The following ATP6V1C1 variants were observed in gnomAD, a reference collection of about 807,000 sequenced individuals.
The protein encoded by ATP6V1C1 is ATPase H+ transporting V1 subunit C1, also known as V-type proton ATPase subunit C 1.
Under a neutral mutation model 53.9 loss-of-function variants are expected in ATP6V1C1, and 45 were observed. The ratio of observed to expected loss-of-function variants is 0.83; its 90% confidence interval spans 0.66 to 1.07. The LOEUF (loss-of-function observed/expected upper bound fraction) is 1.07. Among genes scored for constraint, ATP6V1C1 ranks in the 50% least tolerant of loss-of-function variants. The pLI, the probability that ATP6V1C1 is intolerant of heterozygous loss-of-function variation, is 0.00. For synonymous variants in ATP6V1C1, 153 were observed against 155.2 expected (o/e 0.99, Z 0.11); for missense variants, 315 against 440.3 (o/e 0.72, Z 2.55).
chr8:103,024,610 C>T (rs1816662986), intron 1 of ATP6V1C1, among the ~76,000 whole-genome samples: 1 of 152,184 alleles, frequency 6.6e-6, no homozygotes, highest in African/African-American at 2.4e-5. Flanking sequence ...ACATCTTTTT[C>T]ACTCTTTGGG....
rs777934585 is a variant in ATP6V1C1, at chr8:103,068,710, A to G, written c.1112A>G (p.Tyr371Cys). 5 of 1,610,678 alleles carry G rather than the reference A, an allele frequency of 3.1e-6. No homozygotes were observed. The highest frequency in any genetic ancestry group is 4.2e-6 in the Non-Finnish European group (5 of 1,178,490). The change falls in exon 13 of 13, where the codon TAC (tyrosine) becomes TGC (cysteine). Residue 371 changes from tyrosine to cysteine, a missense_variant. Coordinates refer to ENST00000518738, the MANE Select transcript of ATP6V1C1 (RefSeq NM_001695.5). ...CAACAAGAATACTACCCCTATGTGT[A>G]CTACAAGATTGATTGCAACTTGCTG... ...LSQQEYYPYV[Y>C]YKIDCNLLEF...
intron 3 of ATP6V1C1, among the ~76,000 whole-genome samples, chr8:103,048,609 T>C (rs1472192735): frequency 6.6e-6 from 1 of 152,194 alleles, no homozygotes; most frequent in South Asian, 2.1e-4. Context: ...TTCCCATGAC[T>C]TACTTTCTAG....
rs184088193 is a variant in ATP6V1C1 at position 103,055,741 on chromosome 8, A to G, written c.573-127A>G. The G allele has an allele frequency of 9.6e-4, 740 of 770,498 alleles. 4 individuals are homozygous for G. In the African/African-American group the frequency reaches 0.012, roughly 12 times the overall value. 47.7% of individuals were successfully genotyped at this position (770,498 alleles called of 1,614,324 possible). ...GTAGGAAACCCGAATTTTTTTTGTT[A>G]AATAGAGTTGAAGTATACTTACTAT... On this transcript the variant is annotated intron_variant, in intron 7 of 12. Transcript: ENST00000518738.
chr8:103,066,597 T>C, intron 12 of ATP6V1C1, 150 bp downstream of exon 12: 1 of 886,332 alleles, frequency 1.1e-6, no homozygotes, highest in South Asian at 2.3e-5. Flanking sequence ...GTAAACATAG[T>C]AATTTACATT....
At chr8:103,046,637 C>G (rs190271386) in intron 3 of ATP6V1C1, among the ~76,000 whole-genome samples, 2 of 152,170 alleles carry the variant, frequency 1.3e-5, no homozygotes, top group Admixed American at 6.5e-5. Context: ...TCGGCAAGCA[C>G]ATCTTCTTCA....
Position 103,066,334 on chromosome 8 carries a change from G to C in ATP6V1C1, c.940G>C (p.Val314Leu). Residue 314 changes from valine to leucine, a missense_variant, in exon 12 of 13, where the codon GTG becomes CTG. Physicochemically the swap from Val to Leu is conservative, Grantham distance 32 (BLOSUM62 1). Coordinates refer to ENST00000518738, the MANE Select transcript of ATP6V1C1 (RefSeq NM_001695.5). ...VESVLRYGLP[V>L]NFQAMLLQPN... ...CTTTTTTGTAAGGTATGGCTTGCCAGTGAACTTCCAAGCAATGCTACTTCA... is the reference window on the plus strand; with the variant it reads ...CTTTTTTGTAAGGTATGGCTTGCCACTGAACTTCCAAGCAATGCTACTTCA... 6.2e-7 allele frequency: 1 copy of C among 1,610,230 alleles called. No individual in the cohort carries two copies. The highest frequency in any genetic ancestry group is 8.5e-7 in the Non-Finnish European group (1 of 1,178,942).
chr8:103,032,983 A>G (rs1816825196), intron 1 of ATP6V1C1, among the ~76,000 whole-genome samples: 1 of 152,258 alleles, frequency 6.6e-6, no homozygotes, highest in African/African-American at 2.4e-5. Context: ...TAGTAGATGT[A>G]TGTGGTAGAA....
intron 1 of ATP6V1C1, among the ~76,000 whole-genome samples, chr8:103,034,473 G>T (rs376157309): frequency 6.6e-6 from 1 of 152,068 alleles, no homozygotes; most frequent in African/African-American, 2.4e-5. Context: ...TAGCAATATG[G>T]ATTCCATTTT....
At chr8:103,068,108 T>C (rs1817526419) in intron 12 of ATP6V1C1, among the ~76,000 whole-genome samples, 1 of 152,210 alleles carries the variant, frequency 6.6e-6, no homozygotes, top group Non-Finnish European at 1.5e-5. Flanking sequence ...GCCTTCCAAG[T>C]AGTTGGGACT....
chr8:103,026,037 A>C (rs780413043), intron 1 of ATP6V1C1, among the ~76,000 whole-genome samples: 1 of 151,060 alleles, frequency 6.6e-6, no homozygotes, highest in Non-Finnish European at 1.5e-5. Flanking sequence ...GATTCAGGGA[A>C]TCCCCTGGCA....
At chr8:103,028,972 G>A (rs1215372241) in intron 1 of ATP6V1C1, among the ~76,000 whole-genome samples, 2 of 152,108 alleles carry the variant, frequency 1.3e-5, no homozygotes, top group East Asian at 3.8e-4. Context: ...TAATAAGGAT[G>A]CGGTGGGACA....
chr8:103,067,234 A>G (rs916591336), intron 12 of ATP6V1C1, among the ~76,000 whole-genome samples: 2 of 151,884 alleles, frequency 1.3e-5, no homozygotes, highest in Non-Finnish European at 2.9e-5. Flanking sequence ...CCCCGTCTCT[A>G]CTAGAAATAC....
chr8:103,045,474 G>A (rs1265130496), intron 3 of ATP6V1C1, among the ~76,000 whole-genome samples: 1 of 152,032 alleles, frequency 6.6e-6, no homozygotes, highest in Non-Finnish European at 1.5e-5. Context: ...CTCTTAGAAT[G>A]GAAAGAGAAG....
chr8:103,051,113 C>G lies in ATP6V1C1; in HGVS notation c.350C>G (p.Ser117Cys), dbSNP rs1474576673. 6.2e-7 allele frequency: 1 copy of G among 1,609,048 alleles called. No homozygotes were observed. Among genetic ancestry groups the G allele is most frequent in the East Asian group, 2.2e-5 (1 of 44,692 alleles). The change falls in exon 5 of 13, where the codon TCC becomes TGC. Residue 117 changes from serine to cysteine, a missense_variant. Physicochemically the swap from Ser to Cys is moderately radical, Grantham distance 112 (BLOSUM62 -1). Transcript: ENST00000518738. Reference protein sequence around the residue: ...WDMAKYPIKQSLKNISEIIAK... With the variant: ...WDMAKYPIKQCLKNISEIIAK... ...ATGGCCAAATATCCAATCAAGCAGT[C>G]CCTGAAAAATATTTCTGAAATAATT... is the stretch of plus-strand genomic sequence containing the variant.
At chr8:103,050,310 G>T (rs996413932) in intron 4 of ATP6V1C1, among the ~76,000 whole-genome samples, 3 of 152,188 alleles carry the variant, frequency 2.0e-5, no homozygotes, top group African/African-American at 7.2e-5. Flanking sequence ...AATGGTGGTT[G>T]ACCAAGAGGG....
chr8:103,040,573 T>C (rs1226533834), intron 1 of ATP6V1C1, among the ~76,000 whole-genome samples: 1 of 152,208 alleles, frequency 6.6e-6, no homozygotes, highest in Non-Finnish European at 1.5e-5. Context: ...ACTTCACATA[T>C]TAGGTTTTTA....
intron 8 of ATP6V1C1, among the ~76,000 whole-genome samples, chr8:103,060,193 C>T (rs1205254158): frequency 1.3e-5 from 2 of 151,998 alleles, no homozygotes; most frequent in Non-Finnish European, 2.9e-5. Context: ...GTCTCGAGCT[C>T]CTGACCTCTA....
At chr8:103,034,037 G>A (rs1816846222) in intron 1 of ATP6V1C1, among the ~76,000 whole-genome samples, 1 of 152,156 alleles carries the variant, frequency 6.6e-6, no homozygotes, top group Non-Finnish European at 1.5e-5. Flanking sequence ...AGTCAGATGT[G>A]GATACTGGTT....
chr8:103,044,284 AT>A (rs1209038609), intron 3 of ATP6V1C1, among the ~76,000 whole-genome samples: 2 of 152,206 alleles, frequency 1.3e-5, no homozygotes, highest in African/African-American at 4.8e-5. Context: ...TTTTGGCATC[AT>A]ATCTAAGACA....
Sources: gnomAD v4.1 joint callset for allele counts (sites outside exome capture counted in the v4.1 genomes callset) on GRCh38, gnomAD v4.1.1 for gene constraint, MANE v1.5 for transcripts, NCBI Gene and HGNC (gene_info 2026-07-23, HGNC 2026-07-21) for gene names.